The following DGKZ variants were observed in gnomAD, a reference collection of about 807,000 sequenced individuals.
The protein encoded by DGKZ is DAG kinase zeta.
Under a neutral mutation model 142.5 loss-of-function variants are expected in DGKZ, and 45 were observed. The ratio of observed to expected loss-of-function variants is 0.32; its 90% CI spans 0.25 to 0.40. The LOEUF is 0.40. Ranked by LOEUF, DGKZ falls within the 10% of genes least tolerant of loss-of-function variation. The pLI is 1.00. For synonymous variants in DGKZ, 442 were observed against 527.0 expected, an observed-to-expected ratio of 0.84 and a Z score of 2.21; for missense variants, 755 against 1,306.5, an observed-to-expected ratio of 0.58 and a Z score of 6.51.
At chr11:46,344,195 C>G (rs541519975), upstream of DGKZ, among the ~76,000 whole-genome samples, 1 of 152,034 alleles carries the variant, frequency 6.6e-6, no homozygotes, top group Non-Finnish European at 1.5e-5. Flanking sequence ...AGTAACCCAC[C>G]AGCCTCAGCC....
In DGKZ at chr11:46,347,568, GC is replaced by G; in HGVS notation, c.-91del. 1 of 1,058,564 alleles carries G rather than the reference GC, an allele frequency of 9.4e-7. No homozygotes were observed. Among genetic ancestry groups the G allele is most frequent in the Non-Finnish European group, 1.1e-6 (1 of 878,128 alleles). The allele number at this position is 1,058,564 out of a possible 1,614,324, so 65.6% of individuals were successfully genotyped here. ...GGAGCGAGCGCGCGCCATGGAGGTG[GC>G]GGGCGGCGCGGAGCGGGCGTGCTGA... On this transcript the variant is annotated 5_prime_UTR_variant, in exon 1 of 31. An upstream open reading frame in the 5' UTR loses its in-frame stop. Transcript: ENST00000527911. The surrounding 1 kb of genome is among the most constrained non-coding windows in gnomAD (Gnocchi z 6.4).
intron 1 of DGKZ, chr11:46,365,627 C>T: frequency 1.0e-6 from 1 of 985,354 alleles, no homozygotes; most frequent in Non-Finnish European, 1.2e-6. Flanking sequence ...CAGCCTGACC[C>T]CAAGGCTATG....
chr11:46,371,894 G>A (rs944740873), intron 9 of DGKZ, 119 bp downstream of exon 9: 10 of 1,338,874 alleles, frequency 7.5e-6, no homozygotes, highest in Middle Eastern at 2.2e-4. Flanking sequence ...TGTGGGCTCT[G>A]GGGCCTCTGA....
At chr11:46,373,436 G>C (rs1437373151) in intron 14 of DGKZ, among the ~76,000 whole-genome samples, 1 of 150,346 alleles carries the variant, frequency 6.7e-6, no homozygotes, top group Non-Finnish European at 1.5e-5. Flanking sequence ...ATAGGCAGGT[G>C]CCACCACACC....
At chr11:46,364,060 C>T (rs1265168260) in intron 1 of DGKZ, among the ~76,000 whole-genome samples, 1 of 152,204 alleles carries the variant, frequency 6.6e-6, no homozygotes, top group Non-Finnish European at 1.5e-5. Flanking sequence ...TAGCCCAGGG[C>T]CTGTCACGTA....
chr11:46,338,011 C>T (rs1940095199), intron 1 of DGKZ, among the ~76,000 whole-genome samples: 2 of 152,188 alleles, frequency 1.3e-5, no homozygotes, highest in Non-Finnish European at 2.9e-5. Context: ...CAGGGTGAGA[C>T]AGTAAATACT....
chr11:46,377,265 A>G, intron 25 of DGKZ, 53 bp downstream of exon 25: 6 of 1,528,338 alleles, frequency 3.9e-6, no homozygotes, highest in Non-Finnish European at 4.4e-6. Context: ...CCCACCTGTA[A>G]GCCGATGACT....
intron 4 of DGKZ, chr11:46,368,924 G>A (rs940706228): frequency 1.9e-4 from 32 of 167,662 alleles, no homozygotes; most frequent in African/African-American, 6.5e-4. Context: ...GAAAGGATGC[G>A]GCCGAGTGCG....
At chr11:46,368,107 C>T in intron 4 of DGKZ, 28 bp downstream of exon 4, 2 of 1,612,888 alleles carry the variant, frequency 1.2e-6, no homozygotes, top group South Asian at 1.1e-5. Context: ...CTTTGCCCGC[C>T]CCTGCCCTTT....
At position 46,375,497 on chromosome 11, in the gene DGKZ, A is replaced by G. The variant is rs1417261836; in HGVS notation, c.1776A>G (p.Thr592=). Reference sequence around the variant, plus strand: ...AGTGTCGCGAGGTGGTGCTCACCACATCCAAGGCCATCCCGGTGCAGGTGG... The same window carrying G: ...AGTGTCGCGAGGTGGTGCTCACCACGTCCAAGGCCATCCCGGTGCAGGTGG... Residue 592 remains threonine, a synonymous_variant, in exon 20 of 31, where the codon ACA becomes ACG. Transcript: ENST00000527911. 6.3e-7 allele frequency: 1 copy of G among 1,590,358 alleles called. No individual in the cohort carries two copies. Among genetic ancestry groups the G allele is most frequent in the East Asian group, 2.3e-5 (1 of 44,160 alleles).
chr11:46,345,174 T>C (rs187159381), upstream of DGKZ: 61 of 1,019,280 alleles, frequency 6.0e-5, 1 homozygote, highest in East Asian at 1.8e-3. This position sits in a 1 kb window ranked among gnomAD's most constrained non-coding sequence, Gnocchi z 4.1. Context: ...CAGGTGCAGA[T>C]TCCAGCCCAA....
Position 46,367,161 on chromosome 11 carries a change from T to C in DGKZ, c.162-130T>C. 8.1e-7 allele frequency: 1 copy of C among 1,238,712 alleles called. No homozygotes were observed. The highest frequency in any genetic ancestry group is 1.3e-5 in the South Asian group (1 of 77,010). The allele number at this position is 1,238,712 out of a possible 1,614,324, so 76.7% of individuals were successfully genotyped here. A position where few individuals can be genotyped will look rare whatever the true frequency, so the allele number is the denominator to read the frequency against. ...CTCTTGCAGGGAGCCTCTTAGTGTC[T>C]GGGGCTGCTGGGAGGCTCCTCCGCC... On this transcript the variant is annotated intron_variant, in intron 1 of 30. Coordinates refer to ENST00000527911, the Ensembl canonical transcript of DGKZ. The surrounding 1 kb of genome is among the most constrained non-coding windows in gnomAD (Gnocchi z 4.1).
At chr11:46,370,573 C>T (rs114492467) in intron 6 of DGKZ, among the ~76,000 whole-genome samples, 87 of 152,260 alleles carry the variant, frequency 5.7e-4, no homozygotes, top group African/African-American at 1.9e-3. Context: ...GATAGGTACT[C>T]GGAAGCGGCA....
chr11:46,379,955 C>G lies in DGKZ; in HGVS notation c.*8C>G. 3 of 1,598,584 alleles carry G rather than the reference C, an allele frequency of 1.9e-6. No homozygotes were observed. In the East Asian group the frequency reaches 6.8e-5, roughly 36 times the overall value. On this transcript the variant is annotated 3_prime_UTR_variant, in exon 31 of 31. Transcript: ENST00000527911. ...CAGGAGACGGCTGTGTAGCGGGCCG[C>G]CCACGGGCAGCAGGAGGGACAATGC...
rs758036457 is a variant in DGKZ at position 46,366,787 on chromosome 11, C to T, written c.162-504C>T. On this transcript the variant is annotated intron_variant, in intron 1 of 30. Transcript: ENST00000527911. ...CGGATGCCGTATATGACCACGCTCT[C>T]TGGGGCCTGCACGGCTACTATCGGC... is the stretch of plus-strand genomic sequence containing the variant. 1.3e-6 allele frequency: 2 copies of T among 1,548,014 alleles called. No homozygotes were observed. The highest frequency in any genetic ancestry group is 2.4e-5 in the South Asian group (2 of 84,498).
At chr11:46,364,778 T>G (rs1345781231) in intron 1 of DGKZ, 1 of 985,338 alleles carries the variant, frequency 1.0e-6, no homozygotes, top group Non-Finnish European at 1.2e-6. Flanking sequence ...CTGCCCAACA[T>G]GCGTCCAGGG....
At chr11:46,357,014 A>C (rs888095276) in intron 1 of DGKZ, among the ~76,000 whole-genome samples, 1 of 152,182 alleles carries the variant, frequency 6.6e-6, no homozygotes, top group Non-Finnish European at 1.5e-5. Context: ...CTCAGCTGAC[A>C]GTAGAGTCAG....
intron 1 of DGKZ, among the ~76,000 whole-genome samples, chr11:46,362,729 G>C (rs1942808091): frequency 6.6e-6 from 1 of 152,200 alleles, no homozygotes; most frequent in Non-Finnish European, 1.5e-5. Flanking sequence ...GCGTGAGATG[G>C]CCTGGGCTCT....
chr11:46,368,094 C>T lies in DGKZ; in HGVS notation c.444+15C>T. 1 of 1,613,888 alleles carries T rather than the reference C, an allele frequency of 6.2e-7. No individual in the cohort carries two copies. Among genetic ancestry groups the T allele is most frequent in the East Asian group, 2.2e-5 (1 of 44,880 alleles). ...AGCTGGAGAAGGTGGGTGGGTAGCT[C>T]AGCTTTGCCCGCCCCTGCCCTTTGG... On this transcript the variant is annotated intron_variant, in intron 4 of 30. Coordinates refer to ENST00000527911, the Ensembl canonical transcript of DGKZ.
Sources: allele counts gnomAD v4.1 joint callset (sites outside exome capture counted in the v4.1 genomes callset), GRCh38; gene constraint gnomAD v4.1.1; non-coding constraint Gnocchi (gnomAD v3.1); transcripts MANE v1.5; gene names NCBI Gene and HGNC (gene_info 2026-07-23, HGNC 2026-07-21).